Variants in EMC1 observed in about 807,000 individuals in gnomAD.
EMC1 encodes the protein KIAA0090.
In EMC1, 103 loss-of-function variants were observed where a neutral mutation model predicts 128.8. The ratio of observed to expected loss-of-function variants is 0.80; its 90% confidence interval spans 0.68 to 0.94. EMC1 has a LOEUF of 0.94. EMC1 is among the 40% of genes least tolerant of loss of function. The probability of loss-of-function intolerance (pLI) is 0.00; values close to 1 mark genes in which losing one functional copy is unlikely to be tolerated. For missense variants in EMC1, 1,083 were observed against 1,250.6 expected (o/e 0.87, Z 2.02); for synonymous variants, 442 against 490.4 (o/e 0.90, Z 1.30).
chr1:19,217,508 T>G lies in EMC1; in HGVS notation c.*1795A>C, dbSNP rs1249148103. The G allele has an allele frequency of 6.6e-6, 1 of 151,886 alleles. No individual in the cohort carries two copies. Among genetic ancestry groups the G allele is most frequent in the African/African-American group, 2.4e-5 (1 of 41,270 alleles). 9.4% of individuals were successfully genotyped at this position (151,886 alleles called of 1,614,324 possible). A position where few individuals can be genotyped will look rare whatever the true frequency, so the allele number is the denominator to read the frequency against. Reference sequence around the variant, plus strand: ...CTCCAGCCTGGGCAACAGAGTGAGATTCTGTCTCAAAAAAAAAAAAAGCAC... The same window carrying G: ...CTCCAGCCTGGGCAACAGAGTGAGAGTCTGTCTCAAAAAAAAAAAAAGCAC... On this transcript the variant is annotated 3_prime_UTR_variant, in exon 23 of 23. Coordinates refer to ENST00000477853, the MANE Select transcript of EMC1 (RefSeq NM_015047.3).
chr1:19,219,281 T>G lies in EMC1; in HGVS notation c.*22A>C, dbSNP rs1268285997. ...GACCCACACTCCCCTGGCTCTCCAC[T>G]TTTAGGCACAGTCTTTGTTCTTTAT... On this transcript the variant is annotated 3_prime_UTR_variant, in exon 23 of 23. Transcript: ENST00000477853. The G allele has an allele frequency of 6.2e-7, 1 of 1,613,636 alleles. No individual in the cohort carries two copies. The highest frequency in any genetic ancestry group is 2.2e-5 in the East Asian group (1 of 44,872).
In EMC1 at chr1:19,240,452, GAA is replaced by G. The variant is rs776758357; in HGVS notation, c.637-8_637-7del. ...CACGGAGTTGAAACCCTAACCTACAGAAAAGTCATCGTTAACAGGAAGCTCGT... is the reference window on the plus strand; with the variant it reads ...CACGGAGTTGAAACCCTAACCTACAGAAGTCATCGTTAACAGGAAGCTCGT... On this transcript the variant is annotated splice_region_variant and splice_polypyrimidine_tract_variant and intron_variant, in intron 6 of 22. Coordinates refer to ENST00000477853, the MANE Select transcript of EMC1 (RefSeq NM_015047.3). The G allele has an allele frequency of 6.2e-7, 1 of 1,613,928 alleles. No individual in the cohort carries two copies. Among genetic ancestry groups the G allele is most frequent in the Non-Finnish European group, 8.5e-7 (1 of 1,179,936 alleles).
intron 1 of EMC1, 24 bp downstream of exon 1, chr1:19,251,391 C>T (rs2093658620): frequency 1.9e-6 from 3 of 1,606,338 alleles, no homozygotes; most frequent in African/African-American, 2.7e-5. Flanking sequence ...ACTTATCTCT[C>T]GAATATGTTC....
chr1:19,240,800 T>C, intron 6 of EMC1: 1 of 596,036 alleles, frequency 1.7e-6, no homozygotes, highest in Non-Finnish European at 3.0e-6. Flanking sequence ...AGACTAGATC[T>C]ATGTAATTTT....
intron 6 of EMC1, 41 bp downstream of exon 6, chr1:19,240,975 C>T (rs1018069673): frequency 1.9e-6 from 3 of 1,606,696 alleles, no homozygotes; most frequent in African/African-American, 2.7e-5. Context: ...AAGTCTCCCC[C>T]AACCCCACCT....
In EMC1 at chr1:19,223,436, T is replaced by C. The variant is rs760627636; in HGVS notation, c.2336A>G (p.Lys779Arg). 6.2e-7 allele frequency: 1 copy of C among 1,614,144 alleles called. No individual in the cohort carries two copies. The highest frequency in any genetic ancestry group is 8.5e-7 in the Non-Finnish European group (1 of 1,180,030). Residue 779 changes from lysine to arginine, a missense_variant, in exon 19 of 23, where the codon AAA (lysine) becomes AGA (arginine). Physicochemically the swap from Lys to Arg is conservative, Grantham distance 26. Transcript: ENST00000477853. ...IIHSSVQKKA[K>R]GPVHIVHSEN... ...TGAATGCACGATATGGACAGGGCCT[T>C]TGGCTTTCTTCTGCACAGAGGAGTG...
Position 19,230,927 on chromosome 1 carries a change from G to A in EMC1, c.1981C>T (p.Gln661Ter), listed in dbSNP as rs997799835. The part of the protein sequence containing the change: ...AFPATRNVLR[Q>*]LHELAPSIFF... Reference sequence around the variant, plus strand: ...ATGGAAGGGGCAAGCTCATGTAGCTGTCGCAAGACATTCCGAGTGGCTGGA... The same window carrying A: ...ATGGAAGGGGCAAGCTCATGTAGCTATCGCAAGACATTCCGAGTGGCTGGA... The change falls in exon 17 of 23, where the codon CAG becomes TAG. Residue 661 changes from glutamine to a stop codon, truncating the protein, a stop_gained. Coordinates refer to ENST00000477853, the MANE Select transcript of EMC1 (RefSeq NM_015047.3). LOFTEE classifies it high-confidence loss of function. The A allele has an allele frequency of 6.2e-6, 10 of 1,614,090 alleles. No individual in the cohort carries two copies. The East Asian group carries it at 2.0e-4, about 32-fold the overall frequency.
chr1:19,242,273 T>C, intron 5 of EMC1, 72 bp downstream of exon 5: 1 of 1,552,396 alleles, frequency 6.4e-7, no homozygotes, highest in Non-Finnish European at 8.9e-7. Context: ...ATGCTTCGGG[T>C]CCCTCGAGGA....
intron 20 of EMC1, chr1:19,221,410 T>G (rs774147390): frequency 6.6e-6 from 1 of 151,002 alleles, no homozygotes; most frequent in South Asian, 2.1e-4. Flanking sequence ...CCGAGGCAGG[T>G]GTGGATCACA....
In EMC1 at chr1:19,229,576, G is replaced by A. The variant is rs193046956; in HGVS notation, c.2064+1268C>T. ...GAATCTACAAAACTGTCTCTTTCAA[G>A]GTCCTCTTTTTATTAACTCAGAAGG... On this transcript the variant is annotated intron_variant, in intron 17 of 22. Coordinates refer to ENST00000477853, the MANE Select transcript of EMC1 (RefSeq NM_015047.3). Among the ~76,000 whole-genome samples, 296 of 152,236 alleles carry A rather than the reference G, an allele frequency of 1.9e-3. 1 individual carries two copies. Among genetic ancestry groups the A allele is most frequent in the African/African-American group, 6.8e-3 (283 of 41,542 alleles).
chr1:19,243,909 G>C, intron 3 of EMC1, 41 bp downstream of exon 3: 1 of 1,606,430 alleles, frequency 6.2e-7, no homozygotes, highest in Non-Finnish European at 8.5e-7. Flanking sequence ...ATGGGACAGG[G>C]AGCTGGCCGC....
rs2093585352 is a variant in EMC1, at chr1:19,238,794, C to T, written c.1089+1G>A. On this transcript the variant is annotated splice_donor_variant, in intron 10 of 22. Transcript: ENST00000477853. LOFTEE classifies it high-confidence loss of function. ...GCATACTGCCCAGTGCCACACCATA[C>T]CTTTGAACTAGACTTCTCCGAAAAG... The T allele has an allele frequency of 1.9e-6, 3 of 1,606,240 alleles. No homozygotes were observed. Among genetic ancestry groups the T allele is most frequent in the African/African-American group, 1.3e-5 (1 of 74,650 alleles).
chr1:19,219,786 G>C, intron 21 of EMC1, 88 bp from the exon 22 acceptor site: 7 of 1,495,232 alleles, frequency 4.7e-6, no homozygotes, highest in Non-Finnish European at 6.5e-6. Context: ...GAGGTTTCCA[G>C]GCTACATATC....
chr1:19,237,111 T>C, intron 12 of EMC1, 31 bp downstream of exon 12: 1 of 1,519,976 alleles, frequency 6.6e-7, no homozygotes, highest in Non-Finnish European at 9.1e-7. Context: ...CCTGGGGAAA[T>C]AAAAAAATGG....
intron 15 of EMC1, 112 bp downstream of exon 15, chr1:19,232,512 C>T: frequency 8.2e-7 from 1 of 1,221,040 alleles, no homozygotes; most frequent in South Asian, 1.3e-5. Flanking sequence ...GTTCTAACCC[C>T]TGAATGTTCC....
In EMC1 at chr1:19,251,430, A is replaced by C. The variant is rs1302795960; in HGVS notation, c.80T>G (p.Val27Gly). 6.2e-6 allele frequency: 10 copies of C among 1,614,140 alleles called. No homozygotes were observed. Among genetic ancestry groups the C allele is most frequent in the Non-Finnish European group, 8.5e-6 (10 of 1,180,006 alleles). The change falls in exon 1 of 23, where the codon GTG (valine) becomes GGG (glycine). Residue 27 changes from valine (V) to glycine (G), a missense_variant. This residue lies in a region of EMC1 where 544 missense variants were observed against 572.4 expected (regional missense o/e 0.95). Coordinates refer to ENST00000477853, the MANE Select transcript of EMC1 (RefSeq NM_015047.3). ...IPAAAVYEDQ[V>G]GKFDWRQQYV... is the part of the protein sequence containing the mutation. ...ACGTACGCACCAATCAAACTTGCCCACTTGGTCTTCGTAGACCGCGGCCGC... is the reference window on the plus strand; with the variant it reads ...ACGTACGCACCAATCAAACTTGCCCCCTTGGTCTTCGTAGACCGCGGCCGC...
rs2093536720 is a variant in EMC1 at position 19,233,116 on chromosome 1, G to A, written c.1452C>T (p.Phe484=). Residue 484 remains phenylalanine (F), a synonymous_variant, in exon 14 of 23, where the codon TTC becomes TTT. Transcript: ENST00000477853. ...GKKADGLLGM[F]LKRLSSQLIL... The stretch of plus-strand genomic sequence containing the variant: ...TAAGCTGAGACGAGAGGCGTTTCAG[G>A]AACATCCCCAGCAAGCCATCTGGTG... 1.2e-6 allele frequency: 2 copies of A among 1,614,042 alleles called. No individual in the cohort carries two copies. Among genetic ancestry groups the A allele is most frequent in the African/African-American group, 1.3e-5 (1 of 75,020 alleles).
At chr1:19,224,484 C>A (rs1321675846) in intron 18 of EMC1, among the ~76,000 whole-genome samples, 1 of 152,186 alleles carries the variant, frequency 6.6e-6, no homozygotes, top group Admixed American at 6.5e-5. Context: ...GACCTAAAGC[C>A]TCGAGTTATC....
chr1:19,244,326 T>G (rs2093621662), intron 2 of EMC1, among the ~76,000 whole-genome samples: 1 of 152,238 alleles, frequency 6.6e-6, no homozygotes, highest in Admixed American at 6.5e-5. Context: ...TCCCTTATTT[T>G]AGTGCCTAAA....
Sources: gnomAD v4.1 joint callset for allele counts (sites outside exome capture counted in the v4.1 genomes callset) on GRCh38, gnomAD v4.1.1 for gene constraint, gnomAD v4.1.1 regional missense constraint, MANE v1.5 for transcripts, NCBI Gene and HGNC (gene_info 2026-07-23, HGNC 2026-07-21) for gene names.